Variants in GPC5 observed in about 807,000 individuals in gnomAD.
GPC5 encodes glypican-5.
In GPC5, 47 loss-of-function variants were observed where a neutral mutation model predicts 53.9. The ratio of observed to expected loss-of-function variants is 0.87; its 90% CI spans 0.69 to 1.11. GPC5 has a LOEUF of 1.11. Among genes scored for constraint, GPC5 ranks in the 50% most tolerant of loss-of-function variants. The pLI, the probability that GPC5 is intolerant of heterozygous loss-of-function variation, is 0.00. For missense variants in GPC5, 748 were observed against 713.1 expected (o/e 1.05, Z -0.56); for synonymous variants, 286 against 263.3 (o/e 1.09, Z -0.84).
chr13:91,981,456 A>AT (rs1437773415), intron 6 of GPC5, among the ~76,000 whole-genome samples: 2 of 152,006 alleles, frequency 1.3e-5, no homozygotes, highest in African/African-American at 4.8e-5. Context: ...CGCCCGGCTA[A>AT]TTTTTTGTAT....
chr13:91,521,743 G>A (rs1197763469), intron 2 of GPC5, among the ~76,000 whole-genome samples: 2 of 152,140 alleles, frequency 1.3e-5, no homozygotes, highest in South Asian at 2.1e-4. Flanking sequence ...CTTCTGATTC[G>A]ATTCTGACAC....
At position 91,756,081 on chromosome 13, in the gene GPC5, A is replaced by AC. The variant is rs1366275230; in HGVS notation, c.1155-214_1155-213insC. Among the ~76,000 whole-genome samples, 354 of 151,550 alleles carry AC rather than the reference A, an allele frequency of 2.3e-3. 3 individuals carry two copies. Among genetic ancestry groups the AC allele is most frequent in the African/African-American group, 8.1e-3 (334 of 41,368 alleles). ...AAATACTAGCTTTTTTTTTGAAAAA[A>AC]AAAAAAAAGTAATGTATTTTCATCT... On this transcript the variant is annotated intron_variant, in intron 4 of 7. Coordinates refer to ENST00000377067, the MANE Select transcript of GPC5 (RefSeq NM_004466.6).
intron 6 of GPC5, among the ~76,000 whole-genome samples, chr13:91,971,355 C>T (rs1282655327): frequency 6.6e-6 from 1 of 151,948 alleles, no homozygotes; most frequent in Admixed American, 6.6e-5. Context: ...ATTCTTCTCT[C>T]TTTTCTTCTT....
intron 3 of GPC5, among the ~76,000 whole-genome samples, chr13:91,711,401 C>T (rs2036222931): frequency 6.7e-6 from 1 of 150,146 alleles, no homozygotes; most frequent in Non-Finnish European, 1.5e-5. Flanking sequence ...GGGAATTGAA[C>T]AATGAGAACA....
chr13:92,374,157 C>T (rs1002919688), intron 7 of GPC5, among the ~76,000 whole-genome samples: 1 of 152,050 alleles, frequency 6.6e-6, no homozygotes, highest in Non-Finnish European at 1.5e-5. Flanking sequence ...TAGTTTCAAA[C>T]CTTATTTAAA....
At chr13:91,629,641 C>T (rs1019520040) in intron 2 of GPC5, among the ~76,000 whole-genome samples, 2 of 152,118 alleles carry the variant, frequency 1.3e-5, no homozygotes, top group East Asian at 3.9e-4. Flanking sequence ...AAAACTACAT[C>T]TCAAAAATAT....
At chr13:92,219,525 G>A (rs1457883809) in intron 7 of GPC5, among the ~76,000 whole-genome samples, 1 of 152,058 alleles carries the variant, frequency 6.6e-6, no homozygotes, top group African/African-American at 2.4e-5. Flanking sequence ...AGTAACACAA[G>A]GATCAGAAGC....
intron 7 of GPC5, among the ~76,000 whole-genome samples, chr13:92,656,158 T>A (rs1244830243): frequency 6.6e-6 from 1 of 152,194 alleles, no homozygotes; most frequent in Non-Finnish European, 1.5e-5. Flanking sequence ...AGGATAAAAT[T>A]TGTTGTTTAG....
At chr13:92,701,328 C>T (rs995395445) in intron 7 of GPC5, 1 of 152,104 alleles carries the variant, frequency 6.6e-6, no homozygotes, top group Non-Finnish European at 1.5e-5. Flanking sequence ...ACCAGACCAA[C>T]ATTAAAATTT....
At chr13:92,461,181 G>A (rs557282194) in intron 7 of GPC5, among the ~76,000 whole-genome samples, 1 of 152,260 alleles carries the variant, frequency 6.6e-6, no homozygotes, top group African/African-American at 2.4e-5. Flanking sequence ...ATACAGAGAA[G>A]ATGCAAAAAG....
At chr13:91,524,545 C>T (rs7985487) in intron 2 of GPC5, among the ~76,000 whole-genome samples, 136,070 of 152,100 alleles carry the variant, frequency 0.89, 62,718 homozygotes, top group Non-Finnish European at 1. Flanking sequence ...CAAGGAGAAA[C>T]GGCATTATTT....
chr13:91,536,870 C>A (rs958888491), intron 2 of GPC5, among the ~76,000 whole-genome samples: 4 of 152,148 alleles, frequency 2.6e-5, no homozygotes, highest in Non-Finnish European at 5.9e-5. Context: ...TCACAACATA[C>A]TGAAATTAGA....
At chr13:91,981,452 G>T (rs2040358263) in intron 6 of GPC5, among the ~76,000 whole-genome samples, 1 of 152,104 alleles carries the variant, frequency 6.6e-6, no homozygotes, top group Non-Finnish European at 1.5e-5. Flanking sequence ...ACTACGCCCG[G>T]CTAATTTTTT....
At chr13:92,168,372 A>G (rs1003006331) in intron 7 of GPC5, among the ~76,000 whole-genome samples, 4 of 152,222 alleles carry the variant, frequency 2.6e-5, no homozygotes, top group Non-Finnish European at 4.4e-5. Context: ...TCCGCACAGC[A>G]AAAGAAACTC....
intron 7 of GPC5, among the ~76,000 whole-genome samples, chr13:92,153,193 C>A (rs770201957): frequency 6.6e-6 from 1 of 152,040 alleles, no homozygotes; most frequent in Admixed American, 6.6e-5. Flanking sequence ...AGTGCAGTGG[C>A]GCAATCTCAG....
chr13:92,703,056 T>TA (rs1594434627), intron 7 of GPC5, among the ~76,000 whole-genome samples: 1 of 61,676 alleles, frequency 1.6e-5, no homozygotes, highest in East Asian at 6.7e-4. Flanking sequence ...ATATATATAT[T>TA]TATTTATTTA....
intron 5 of GPC5, among the ~76,000 whole-genome samples, chr13:91,806,186 C>T (rs964899944): frequency 2.0e-5 from 3 of 151,386 alleles, no homozygotes; most frequent in African/African-American, 4.9e-5. Context: ...CAGACATCTG[C>T]CACCATGCTC....
chr13:91,907,793 C>T, intron 5 of GPC5, 144 bp from the exon 6 acceptor site: 1 of 690,732 alleles, frequency 1.4e-6, no homozygotes. Flanking sequence ...AACATTACAG[C>T]TGTGCCAGTT....
At chr13:92,419,520 G>C (rs1439641503) in intron 7 of GPC5, among the ~76,000 whole-genome samples, 2 of 152,160 alleles carry the variant, frequency 1.3e-5, no homozygotes, top group African/African-American at 4.8e-5. Context: ...CTGAGCTACA[G>C]TTTCCTCAGT....
Sources: gnomAD v4.1 joint callset for allele counts (sites outside exome capture counted in the v4.1 genomes callset) on GRCh38, gnomAD v4.1.1 for gene constraint, MANE v1.5 for transcripts, NCBI Gene and HGNC (gene_info 2026-07-23, HGNC 2026-07-21) for gene names.